The following STAU2 variants were observed in gnomAD, a reference collection of about 807,000 sequenced individuals.
STAU2 encodes the protein staufen double-stranded RNA binding protein 2.
In STAU2, 20 loss-of-function variants were observed where a neutral mutation model predicts 65.9. The ratio of observed to expected loss-of-function variants is 0.30; its 90% confidence interval spans 0.21 to 0.44. The LOEUF (loss-of-function observed/expected upper bound fraction) is 0.44. Ranked by LOEUF, STAU2 falls within the 20% of genes least tolerant of loss-of-function variation. The pLI is 1.00. For missense variants in STAU2, 558 were observed against 683.9 expected, an observed-to-expected ratio of 0.82 and a Z score of 2.05; for synonymous variants, 232 against 233.9, an observed-to-expected ratio of 0.99 and a Z score of 0.07.
At chr8:73,687,794 C>T (rs761227414) in intron 5 of STAU2, among the ~76,000 whole-genome samples, 20 of 151,934 alleles carry the variant, frequency 1.3e-4, no homozygotes, top group Non-Finnish European at 2.4e-4. Flanking sequence ...TCACTGCAAC[C>T]TCTGCCTCCC....
chr8:73,708,241 T>C lies in STAU2; in HGVS notation c.114+791A>G, dbSNP rs576537509. ...AGATGCCAGGATGCAAATAACCTAA[T>C]AGCCAGTTGCTTTAAGAAGATTAAT... On this transcript the variant is annotated intron_variant, in intron 4 of 14. Coordinates refer to ENST00000524300, the MANE Select transcript of STAU2 (RefSeq NM_001164380.2). 5.9e-5 allele frequency among the ~76,000 whole-genome samples: 9 copies of C among 152,330 alleles called. No individual in the cohort carries two copies. The South Asian group carries it at 1.9e-3, about 32-fold the overall frequency.
intron 3 of STAU2, among the ~76,000 whole-genome samples, chr8:73,710,148 A>C (rs927009045): frequency 6.6e-6 from 1 of 152,104 alleles, no homozygotes; most frequent in African/African-American, 2.4e-5. Context: ...CTCAAGCTCA[A>C]AAACATGGAA....
At chr8:73,708,106 C>G (rs1345383640) in intron 4 of STAU2, among the ~76,000 whole-genome samples, 1 of 152,116 alleles carries the variant, frequency 6.6e-6, no homozygotes, top group East Asian at 1.9e-4. Flanking sequence ...AAAGCAAGAA[C>G]AAAAGATATG....
chr8:73,576,320 TAATCTTAAATTGC>T, intron 12 of STAU2, among the ~76,000 whole-genome samples: 1 of 151,872 alleles, frequency 6.6e-6, no homozygotes, highest in East Asian at 1.9e-4. Flanking sequence ...CAAAACAAAA[TAATCTTAAATTGC>T]AATCTTAAGT....
intron 12 of STAU2, among the ~76,000 whole-genome samples, chr8:73,579,856 G>A (rs1563436332): frequency 6.6e-6 from 1 of 152,102 alleles, no homozygotes; most frequent in East Asian, 1.9e-4. Flanking sequence ...ATAAATTGAG[G>A]AACCAGGCTA....
At chr8:73,659,005 C>A (rs554072178) in intron 6 of STAU2, among the ~76,000 whole-genome samples, 1 of 150,364 alleles carries the variant, frequency 6.7e-6, no homozygotes, top group African/African-American at 2.4e-5. Flanking sequence ...TAAAACTTCA[C>A]AAAACCTTCA....
At chr8:73,603,361 C>G (rs950334169) in intron 10 of STAU2, among the ~76,000 whole-genome samples, 1 of 152,208 alleles carries the variant, frequency 6.6e-6, no homozygotes, top group African/African-American at 2.4e-5. Context: ...CCTGATCCAT[C>G]TACTACATCC....
At position 73,720,560 on chromosome 8, in the gene STAU2, C is replaced by T. The variant is rs560774492; in HGVS notation, c.-17-11398G>A. On this transcript the variant is annotated intron_variant, in intron 3 of 14. Transcript: ENST00000524300. ...TCGCTCTGTCGCCCAGGCCGGACTG[C>T]GGACTGCAGTGGCGCAATCTCGGCT... 8.6e-4 allele frequency among the ~76,000 whole-genome samples: 50 copies of T among 58,460 alleles called. 4 individuals are homozygous for T. Among genetic ancestry groups the T allele is most frequent in the African/African-American group, 1.3e-3 (16 of 11,858 alleles). The allele number at this position is 58,460 out of a possible 152,430, so 38.4% of individuals were successfully genotyped here.
chr8:73,596,987 C>T (rs1456637443), intron 10 of STAU2, among the ~76,000 whole-genome samples: 2 of 151,894 alleles, frequency 1.3e-5, no homozygotes, highest in African/African-American at 4.8e-5. Context: ...TTGAAGGACA[C>T]AGCAAAAGGA....
Position 73,673,089 on chromosome 8 carries a change from CAA to C in STAU2, c.410+16_410+17del. 1 of 1,528,150 alleles carries C rather than the reference CAA, an allele frequency of 6.5e-7. No homozygotes were observed. The highest frequency in any genetic ancestry group is 8.8e-7 in the Non-Finnish European group (1 of 1,138,234). 94.7% of individuals were successfully genotyped at this position (1,528,150 alleles called of 1,614,324 possible). A position where few individuals can be genotyped will look rare whatever the true frequency, so the allele number is the denominator to read the frequency against. ...ATAAAATAATAATTAAGAACAAAAC[CAA>C]AAAAGACATACAAACCTCTGATTGT... On this transcript the variant is annotated intron_variant, in intron 6 of 14. Coordinates refer to ENST00000524300, the MANE Select transcript of STAU2 (RefSeq NM_001164380.2).
At chr8:73,673,334 G>A in intron 5 of STAU2, 92 bp from the exon 6 acceptor site, 3 of 1,265,334 alleles carry the variant, frequency 2.4e-6, no homozygotes, top group Non-Finnish European at 3.1e-6. Flanking sequence ...AAATACCATG[G>A]AAGAAGGTAA....
intron 13 of STAU2, among the ~76,000 whole-genome samples, chr8:73,537,893 T>C (rs559316080): frequency 1.3e-5 from 2 of 152,308 alleles, no homozygotes; most frequent in South Asian, 2.1e-4. Flanking sequence ...AGGAAACATG[T>C]TATAAAGAGT....
intron 12 of STAU2, among the ~76,000 whole-genome samples, chr8:73,580,860 T>G: frequency 6.6e-6 from 1 of 152,200 alleles, no homozygotes; most frequent in Admixed American, 6.5e-5. Flanking sequence ...CTTTCTCACC[T>G]CCTTACAGCT....
At chr8:73,523,550 C>T (rs1435695523) in intron 13 of STAU2, among the ~76,000 whole-genome samples, 2 of 152,072 alleles carry the variant, frequency 1.3e-5, no homozygotes, top group African/African-American at 2.4e-5. Context: ...TTTCCATTAC[C>T]TCCCAAAACT....
chr8:73,659,016 C>A (rs1816616354), intron 6 of STAU2, among the ~76,000 whole-genome samples: 1 of 151,298 alleles, frequency 6.6e-6, no homozygotes, highest in Admixed American at 6.6e-5. Flanking sequence ...AAAACCTTCA[C>A]TGAAAATCAG....
At chr8:73,708,129 TG>T (rs1193803771) in intron 4 of STAU2, among the ~76,000 whole-genome samples, 5 of 152,224 alleles carry the variant, frequency 3.3e-5, no homozygotes, top group African/African-American at 1.2e-4. Context: ...CAAATTAAAT[TG>T]TTGCCCCTAA....
At chr8:73,532,460 G>A (rs976536214) in intron 13 of STAU2, among the ~76,000 whole-genome samples, 1 of 151,954 alleles carries the variant, frequency 6.6e-6, no homozygotes, top group African/African-American at 2.4e-5. Context: ...GGCCAACAGG[G>A]GAGGATCCCT....
intron 3 of STAU2, among the ~76,000 whole-genome samples, chr8:73,714,699 A>T (rs1364560570): frequency 6.6e-6 from 1 of 152,208 alleles, no homozygotes; most frequent in Non-Finnish European, 1.5e-5. Context: ...AAAAATAATA[A>T]AACTTCTCTA....
At chr8:73,570,479 G>T (rs1312785513) in intron 12 of STAU2, among the ~76,000 whole-genome samples, 3 of 152,166 alleles carry the variant, frequency 2.0e-5, no homozygotes, top group Non-Finnish European at 4.4e-5. Flanking sequence ...TCTGACTGGT[G>T]TACCTGAAAG....
Sources: gnomAD v4.1 joint callset for allele counts (sites outside exome capture counted in the v4.1 genomes callset) on GRCh38, gnomAD v4.1.1 for gene constraint, MANE v1.5 for transcripts, NCBI Gene and HGNC (gene_info 2026-07-23, HGNC 2026-07-21) for gene names.